Variants in RNF220 observed in about 807,000 individuals in gnomAD.
RNF220 encodes the protein ring finger protein 220, also known as E3 ubiquitin-protein ligase RNF220.
In RNF220, 7 loss-of-function variants were observed where a neutral mutation model predicts 67.1. The observed-to-expected ratio is 0.10, with a 90% CI of 0.06 to 0.20. The LOEUF (loss-of-function observed/expected upper bound fraction) is 0.20, where lower values mean the gene tolerates loss of function less well. Among genes scored for constraint, RNF220 ranks in the 10% least tolerant of loss-of-function variants. The pLI, the probability that RNF220 is intolerant of heterozygous loss-of-function variation, is 1.00. For missense variants in RNF220, 565 were observed against 740.3 expected (o/e 0.76, Z 2.75); for synonymous variants, 270 against 283.2 (o/e 0.95, Z 0.47).
At chr1:44,437,956 G>T (rs1157082312) in intron 2 of RNF220, among the ~76,000 whole-genome samples, 1 of 152,110 alleles carries the variant, frequency 6.6e-6, no homozygotes, top group Non-Finnish European at 1.5e-5. Context: ...GGTTGGGAAA[G>T]GCCTTAAACA....
intron 2 of RNF220, among the ~76,000 whole-genome samples, chr1:44,526,107 A>T (rs1318890878): frequency 1.3e-5 from 2 of 152,080 alleles, no homozygotes; most frequent in East Asian, 3.9e-4. Flanking sequence ...TTTCTGTCCC[A>T]CCTGTTTGCC....
At chr1:44,416,256 G>T (rs1424035350) in intron 2 of RNF220, among the ~76,000 whole-genome samples, 1 of 152,212 alleles carries the variant, frequency 6.6e-6, no homozygotes, top group Non-Finnish European at 1.5e-5. Context: ...CCTTGAATCA[G>T]TCCCCAAGAC....
At chr1:44,570,306 G>T (rs1021678335) in intron 2 of RNF220, among the ~76,000 whole-genome samples, 1 of 152,116 alleles carries the variant, frequency 6.6e-6, no homozygotes, top group African/African-American at 2.4e-5. Context: ...CCCATCCAGC[G>T]CTGTCCCTTT....
At position 44,519,235 on chromosome 1, in the gene RNF220, CATTT is replaced by C. The variant is rs575879104; in HGVS notation, c.626-94920_626-94917del. 1.7e-3 allele frequency among the ~76,000 whole-genome samples: 256 copies of C among 152,266 alleles called. 3 individuals are homozygous for C. Among genetic ancestry groups the C allele is most frequent in the African/African-American group, 4.7e-3 (196 of 41,538 alleles). On this transcript the variant is annotated intron_variant, in intron 2 of 14. Coordinates refer to ENST00000361799, the MANE Select transcript of RNF220 (RefSeq NM_018150.4). Reference sequence around the variant, plus strand: ...ACAATGAGAAGTTTATTCATTCAGTCATTTATTTATTTAGTCATTAATCAACAAA... The same window carrying C: ...ACAATGAGAAGTTTATTCATTCAGTCATTTATTTAGTCATTAATCAACAAA...
chr1:44,639,575 A>G (rs952927766), intron 8 of RNF220, among the ~76,000 whole-genome samples: 2 of 152,204 alleles, frequency 1.3e-5, no homozygotes, highest in Non-Finnish European at 2.9e-5. Context: ...TGAACCAAAC[A>G]GGAGGAGTGG....
At chr1:44,633,632 G>A (rs934275478) in intron 6 of RNF220, among the ~76,000 whole-genome samples, 4 of 152,332 alleles carry the variant, frequency 2.6e-5, no homozygotes, top group South Asian at 2.1e-4. Flanking sequence ...AGCAAGGAGC[G>A]CATCCAGTAT....
intron 8 of RNF220, 111 bp downstream of exon 8, chr1:44,636,273 C>T (rs1344387338): frequency 2.1e-6 from 3 of 1,426,364 alleles, no homozygotes; most frequent in Admixed American, 1.8e-5. Context: ...CCATCCGTTC[C>T]ACCACGTGGG....
intron 1 of RNF220, among the ~76,000 whole-genome samples, chr1:44,406,344 C>G (rs1473034607): frequency 1.3e-5 from 2 of 152,202 alleles, no homozygotes; most frequent in Non-Finnish European, 2.9e-5. Context: ...CTCCTCTGGG[C>G]TGGACCGGCC....
chr1:44,614,318 C>T, intron 3 of RNF220, 21 bp downstream of exon 3: 2 of 1,611,752 alleles, frequency 1.2e-6, no homozygotes, highest in South Asian at 1.1e-5. Flanking sequence ...TCCCAGGGAG[C>T]CTGCCTGCTG....
chr1:44,493,732 C>G (rs186243924), intron 2 of RNF220, among the ~76,000 whole-genome samples: 1 of 151,904 alleles, frequency 6.6e-6, no homozygotes, highest in East Asian at 1.9e-4. Flanking sequence ...TCCAGCTACT[C>G]GGGAAGCTAA....
chr1:44,461,473 G>T (rs1653753729), intron 2 of RNF220, among the ~76,000 whole-genome samples: 1 of 152,164 alleles, frequency 6.6e-6, no homozygotes, highest in Non-Finnish European at 1.5e-5. Flanking sequence ...GGATGTTTTG[G>T]TGATCTGTTT....
intron 2 of RNF220, among the ~76,000 whole-genome samples, chr1:44,591,071 C>T (rs1376390166): frequency 2.0e-5 from 3 of 152,188 alleles, no homozygotes; most frequent in Admixed American, 1.3e-4. Flanking sequence ...AAGCGATTCT[C>T]CTGCCTCAGC....
chr1:44,547,081 G>T (rs1479853363), intron 2 of RNF220, among the ~76,000 whole-genome samples: 1 of 152,198 alleles, frequency 6.6e-6, no homozygotes, highest in Non-Finnish European at 1.5e-5. Flanking sequence ...GGCACATTAG[G>T]CCCTGGGAAT....
intron 3 of RNF220, among the ~76,000 whole-genome samples, chr1:44,620,359 C>T (rs530434662): frequency 1.3e-5 from 2 of 152,350 alleles, no homozygotes; most frequent in East Asian, 3.9e-4. Context: ...TCCTTTTCTG[C>T]TGTCACCTGA....
intron 2 of RNF220, among the ~76,000 whole-genome samples, chr1:44,482,155 T>C (rs1010089610): frequency 6.6e-6 from 1 of 152,176 alleles, no homozygotes; most frequent in African/African-American, 2.4e-5. Flanking sequence ...TTTCTCAACT[T>C]ACAAGTAGCA....
intron 2 of RNF220, among the ~76,000 whole-genome samples, chr1:44,511,421 T>A (rs1658985634): frequency 6.6e-6 from 1 of 152,172 alleles, no homozygotes; most frequent in Admixed American, 6.5e-5. Flanking sequence ...CCAGTGAGCA[T>A]GTAGACTGCT....
chr1:44,479,279 A>G (rs767992839), intron 2 of RNF220, among the ~76,000 whole-genome samples: 3 of 151,900 alleles, frequency 2.0e-5, no homozygotes, highest in Non-Finnish European at 4.4e-5. Context: ...CCAGTGCCCA[A>G]CTAATTTTTT....
Position 44,617,852 on chromosome 1 carries a change from C to G in RNF220, c.758+3555C>G, listed in dbSNP as rs367605075. Among the ~76,000 whole-genome samples the G allele has an allele frequency of 9.9e-5, 15 of 152,222 alleles. 1 individual carries two copies. The South Asian group carries it at 3.1e-3, about 32-fold the overall frequency. ...AAAGGCACATCTTTGGAGGCTTCCT[C>G]CCCAGCTCTCCCTCCTCCCCTCCCC... On this transcript the variant is annotated intron_variant, in intron 3 of 14. Transcript: ENST00000361799.
At chr1:44,503,278 G>T (rs1658096833) in intron 2 of RNF220, among the ~76,000 whole-genome samples, 1 of 138,670 alleles carries the variant, frequency 7.2e-6, no homozygotes, top group Non-Finnish European at 1.5e-5. Flanking sequence ...AGGTTGCAGT[G>T]AACCGAGATT....
Sources: allele counts gnomAD v4.1 joint callset (sites outside exome capture counted in the v4.1 genomes callset), GRCh38; gene constraint gnomAD v4.1.1; transcripts MANE v1.5; gene names NCBI Gene and HGNC (gene_info 2026-07-23, HGNC 2026-07-21).